Variants in RNGTT observed in about 807,000 individuals in gnomAD.
The protein encoded by RNGTT is mRNA-capping enzyme.
A neutral mutation model predicts 79.3 loss-of-function variants in RNGTT; 33 were observed. The observed-to-expected ratio is 0.42, with a 90% CI of 0.32 to 0.56. The LOEUF (loss-of-function observed/expected upper bound fraction) is 0.56. Among genes scored for constraint, RNGTT ranks in the 20% least tolerant of loss-of-function variants. The probability of loss-of-function intolerance (pLI) is 0.17; values close to 1 mark genes in which losing one functional copy is unlikely to be tolerated. For missense variants in RNGTT, 497 were observed against 739.1 expected (o/e 0.67, Z 3.80); for synonymous variants, 222 against 235.9 (o/e 0.94, Z 0.54).
intron 9 of RNGTT, among the ~76,000 whole-genome samples, chr6:88,852,622 G>C (rs1781710679): frequency 6.6e-6 from 1 of 151,784 alleles, no homozygotes; most frequent in South Asian, 2.1e-4. Flanking sequence ...GCTGTCACAG[G>C]AATGAAAATT....
At chr6:88,911,216 A>G (rs1016667236) in intron 4 of RNGTT, among the ~76,000 whole-genome samples, 2 of 152,294 alleles carry the variant, frequency 1.3e-5, no homozygotes, top group Non-Finnish European at 1.5e-5. Flanking sequence ...AAAAAATAAA[A>G]AAAGACCCAT....
chr6:88,624,025 A>G (rs1442264061), intron 14 of RNGTT, among the ~76,000 whole-genome samples: 2 of 152,028 alleles, frequency 1.3e-5, no homozygotes, highest in African/African-American at 4.8e-5. Flanking sequence ...ATAGGTATAA[A>G]TCTAAAAATA....
At chr6:88,705,763 G>T (rs1480724944) in intron 13 of RNGTT, among the ~76,000 whole-genome samples, 1 of 152,090 alleles carries the variant, frequency 6.6e-6, no homozygotes, top group Admixed American at 6.5e-5. Flanking sequence ...CAGATAAAGT[G>T]AATTTATTGC....
chr6:88,646,341 C>A (rs1773558114), intron 14 of RNGTT, among the ~76,000 whole-genome samples: 1 of 152,154 alleles, frequency 6.6e-6, no homozygotes, highest in African/African-American at 2.4e-5. Flanking sequence ...AGTCAGGAAA[C>A]AATAGGTGCT....
intron 1 of RNGTT, among the ~76,000 whole-genome samples, chr6:88,956,579 A>G (rs1785438675): frequency 6.6e-6 from 1 of 152,154 alleles, no homozygotes; most frequent in Admixed American, 6.5e-5. Context: ...CCAGGAAACA[A>G]TATAACAATA....
At chr6:88,756,891 G>T (rs933902612) in intron 13 of RNGTT, among the ~76,000 whole-genome samples, 2 of 152,156 alleles carry the variant, frequency 1.3e-5, no homozygotes, top group African/African-American at 4.8e-5. Context: ...TGGACAGGTT[G>T]GGAGAGTGAA....
At chr6:88,807,737 G>A (rs1244087709) in intron 11 of RNGTT, among the ~76,000 whole-genome samples, 1 of 151,496 alleles carries the variant, frequency 6.6e-6, no homozygotes, top group South Asian at 2.1e-4. Flanking sequence ...ACTCCAAGAG[G>A]ACAGGAAGAA....
intron 14 of RNGTT, among the ~76,000 whole-genome samples, chr6:88,645,875 C>A (rs187013697): frequency 4.6e-5 from 7 of 152,168 alleles, no homozygotes; most frequent in Non-Finnish European, 4.4e-5. Context: ...AAGACTTAAA[C>A]GTTAGACCTA....
intron 13 of RNGTT, among the ~76,000 whole-genome samples, chr6:88,691,013 T>C (rs1775457863): frequency 6.6e-6 from 1 of 152,166 alleles, no homozygotes; most frequent in South Asian, 2.1e-4. Context: ...AAAATCCTAA[T>C]ACTGAACAAA....
chr6:88,680,260 A>T (rs1775041584), intron 13 of RNGTT, among the ~76,000 whole-genome samples: 1 of 152,202 alleles, frequency 6.6e-6, no homozygotes, highest in African/African-American at 2.4e-5. Flanking sequence ...CTTCTCTGAA[A>T]TTGAAATGTC....
intron 12 of RNGTT, among the ~76,000 whole-genome samples, chr6:88,776,878 T>C (rs756450660): frequency 3.9e-5 from 6 of 152,202 alleles, no homozygotes. Context: ...TGTGTATTAT[T>C]GCTGTTGTTG....
chr6:88,873,955 T>C (rs1782433534), intron 8 of RNGTT, among the ~76,000 whole-genome samples: 1 of 152,162 alleles, frequency 6.6e-6, no homozygotes, highest in African/African-American at 2.4e-5. Context: ...TGCAAACTTA[T>C]TATTCGTAGC....
At chr6:88,958,716 T>C (rs1785514530) in intron 1 of RNGTT, among the ~76,000 whole-genome samples, 1 of 152,158 alleles carries the variant, frequency 6.6e-6, no homozygotes, top group South Asian at 2.1e-4. Flanking sequence ...ATATTAGATG[T>C]TGGCATGAAT....
chr6:88,812,737 T>C (rs2127872495), intron 11 of RNGTT, among the ~76,000 whole-genome samples: 1 of 152,312 alleles, frequency 6.6e-6, no homozygotes, highest in Non-Finnish European at 1.5e-5. Flanking sequence ...TGTTTACATA[T>C]CATATGAGAT....
intron 1 of RNGTT, among the ~76,000 whole-genome samples, chr6:88,946,659 TCTCTCCCTCC>T (rs1785021976): frequency 1.4e-5 from 2 of 143,542 alleles, no homozygotes; most frequent in Admixed American, 1.4e-4. Context: ...CCTCTCCCTC[TCTCTCCCTCC>T]CTCTCCCTCT....
intron 14 of RNGTT, among the ~76,000 whole-genome samples, chr6:88,615,034 A>C (rs1772167430): frequency 6.6e-6 from 1 of 152,242 alleles, no homozygotes; most frequent in African/African-American, 2.4e-5. Context: ...TCTTCACCTC[A>C]GATGACTGAA....
chr6:88,624,020 T>C (rs986481834), intron 14 of RNGTT, among the ~76,000 whole-genome samples: 3 of 151,910 alleles, frequency 2.0e-5, no homozygotes, highest in Non-Finnish European at 2.9e-5. Flanking sequence ...ATGAAATAGG[T>C]ATAAATCTAA....
At position 88,847,612 on chromosome 6, in the gene RNGTT, A is replaced by C. The variant is rs532420426; in HGVS notation, c.1104+2143T>G. On this transcript the variant is annotated intron_variant, in intron 10 of 15. Coordinates refer to ENST00000369485, the MANE Select transcript of RNGTT (RefSeq NM_003800.5). ...AATATACGTGGCTTAAAATCATAAAATATGGTAATAGGCACACAATAAATA... is the reference window on the plus strand; with the variant it reads ...AATATACGTGGCTTAAAATCATAAACTATGGTAATAGGCACACAATAAATA... 2.6e-5 allele frequency among the ~76,000 whole-genome samples: 4 copies of C among 152,274 alleles called. No homozygotes were observed. The South Asian group carries it at 6.2e-4, about 24-fold the overall frequency.
In RNGTT at chr6:88,822,574, CCT is replaced by C. The variant is rs772614040; in HGVS notation, c.1270-20944_1270-20943del. On this transcript the variant is annotated intron_variant, in intron 11 of 15. Coordinates refer to ENST00000369485, the MANE Select transcript of RNGTT (RefSeq NM_003800.5). ...GTCATAGAAAAATAGGTATAAATCCCCTGATTCATTTTACATAATAAAAACAG... is the reference window on the plus strand; with the variant it reads ...GTCATAGAAAAATAGGTATAAATCCCGATTCATTTTACATAATAAAAACAG... Among the ~76,000 whole-genome samples the C allele has an allele frequency of 4.3e-4, 66 of 152,266 alleles. 1 individual carries two copies. Among genetic ancestry groups the C allele is most frequent in the Non-Finnish European group, 6.0e-4 (41 of 68,022 alleles).
Sources: allele counts gnomAD v4.1 joint callset (sites outside exome capture counted in the v4.1 genomes callset), GRCh38; gene constraint gnomAD v4.1.1; transcripts MANE v1.5; gene names NCBI Gene and HGNC (gene_info 2026-07-23, HGNC 2026-07-21).